TSPAN18: variants seen among roughly 807,000 people sequenced by gnomAD.
TSPAN18 encodes the protein tetraspanin-18.
In TSPAN18, 14 loss-of-function variants were observed where a neutral mutation model predicts 27.3. The ratio of observed to expected loss-of-function variants is 0.51; its 90% CI spans 0.34 to 0.80. TSPAN18 has a LOEUF of 0.80. Among genes scored for constraint, TSPAN18 ranks in the 30% least tolerant of loss-of-function variants. TSPAN18 has a pLI of 0.01. For missense variants in TSPAN18, 268 were observed against 323.9 expected (o/e 0.83, Z 1.32); for synonymous variants, 143 against 136.5 (o/e 1.05, Z -0.33).
chr11:44,855,743 C>G (rs35378762), intron 2 of TSPAN18, among the ~76,000 whole-genome samples: 73,607 of 148,382 alleles, frequency 0.5, 18,952 homozygotes, highest in East Asian at 0.81. Flanking sequence ...AGTATCCCCC[C>G]ACACCACCCA....
intron 2 of TSPAN18, among the ~76,000 whole-genome samples, chr11:44,779,501 G>C (rs1339866371): frequency 6.6e-6 from 1 of 152,172 alleles, no homozygotes; most frequent in African/African-American, 2.4e-5. Context: ...GGGAGCCTTT[G>C]AGATTAGAGT....
intron 3 of TSPAN18, among the ~76,000 whole-genome samples, chr11:44,892,803 C>T (rs1300250071): frequency 6.6e-6 from 1 of 152,256 alleles, no homozygotes; most frequent in Non-Finnish European, 1.5e-5. Context: ...CTCCAACCTA[C>T]TGTGTGACTT....
At chr11:44,778,581 T>C (rs116379519) in intron 2 of TSPAN18, among the ~76,000 whole-genome samples, 1,981 of 152,296 alleles carry the variant, frequency 0.013, 53 homozygotes, top group African/African-American at 0.045. Context: ...TCTCAGTTTC[T>C]CTACCTGTAA....
intron 3 of TSPAN18, among the ~76,000 whole-genome samples, chr11:44,870,889 C>T (rs538357522): frequency 6.6e-6 from 1 of 151,982 alleles, no homozygotes; most frequent in African/African-American, 2.4e-5. Flanking sequence ...ATGACTTCTA[C>T]TCATCGTTTC....
At chr11:44,787,776 G>C (rs1433125420) in intron 2 of TSPAN18, among the ~76,000 whole-genome samples, 3 of 152,344 alleles carry the variant, frequency 2.0e-5, no homozygotes, top group South Asian at 2.1e-4. Flanking sequence ...CAGCTGCCAG[G>C]TGATGCTTTT....
At chr11:44,741,784 T>G (rs1278834236) in intron 1 of TSPAN18, among the ~76,000 whole-genome samples, 2 of 152,144 alleles carry the variant, frequency 1.3e-5, no homozygotes, top group Non-Finnish European at 2.9e-5. Context: ...GAACGTTAGT[T>G]TCCTCATCTA....
intron 3 of TSPAN18, among the ~76,000 whole-genome samples, chr11:44,870,017 G>C (rs980759836): frequency 2.6e-5 from 4 of 152,136 alleles, no homozygotes; most frequent in African/African-American, 9.7e-5. Context: ...AAGGGCATGG[G>C]CCTTGCCCCC....
chr11:44,760,113 A>C (rs1565136867), intron 1 of TSPAN18, among the ~76,000 whole-genome samples: 1 of 152,192 alleles, frequency 6.6e-6, no homozygotes, highest in Non-Finnish European at 1.5e-5. Context: ...TATGGCAAAG[A>C]CTTAAAGGTG....
chr11:44,844,639 A>G (rs955892115), intron 2 of TSPAN18, among the ~76,000 whole-genome samples: 1 of 152,206 alleles, frequency 6.6e-6, no homozygotes, highest in East Asian at 1.9e-4. Flanking sequence ...CTTCTTTTGG[A>G]AAGTGCCTAA....
intron 3 of TSPAN18, among the ~76,000 whole-genome samples, chr11:44,879,037 G>A (rs985470486): frequency 1.3e-5 from 2 of 152,188 alleles, no homozygotes; most frequent in African/African-American, 4.8e-5. Flanking sequence ...GAACTTCAAA[G>A]GGCCCCACAG....
rs114637189 is a variant in TSPAN18 at position 44,846,893 on chromosome 11, C to A, written c.-152-13435C>A. 7.1e-3 allele frequency among the ~76,000 whole-genome samples: 1,077 copies of A among 152,280 alleles called. 16 individuals carry two copies. Among genetic ancestry groups the A allele is most frequent in the African/African-American group, 0.024 (1,012 of 41,534 alleles). ...ATGAACCCAGCCTATTAAAAACCATCATCTATTGAATGCCTACTATATGCC... is the reference window on the plus strand; with the variant it reads ...ATGAACCCAGCCTATTAAAAACCATAATCTATTGAATGCCTACTATATGCC... On this transcript the variant is annotated intron_variant, in intron 2 of 9. Transcript: ENST00000520358.
intron 3 of TSPAN18, among the ~76,000 whole-genome samples, chr11:44,864,636 C>A (rs1857986819): frequency 6.6e-6 from 1 of 152,334 alleles, no homozygotes; most frequent in Non-Finnish European, 1.5e-5. Flanking sequence ...ATGGACTGGT[C>A]CAGTGTTGCA....
chr11:44,789,335 A>T (rs538091269), intron 2 of TSPAN18, among the ~76,000 whole-genome samples: 64 of 152,330 alleles, frequency 4.2e-4, no homozygotes, highest in African/African-American at 1.5e-3. Flanking sequence ...AGATTAAATT[A>T]TCCAATTTGG....
chr11:44,900,941 C>T (rs766254765), intron 3 of TSPAN18, among the ~76,000 whole-genome samples: 2 of 151,960 alleles, frequency 1.3e-5, no homozygotes, highest in Non-Finnish European at 2.9e-5. Flanking sequence ...GTGATCTGCC[C>T]GCCTCAGCCT....
chr11:44,751,244 G>A (rs1471579532), intron 1 of TSPAN18, among the ~76,000 whole-genome samples: 2 of 152,176 alleles, frequency 1.3e-5, no homozygotes, highest in South Asian at 2.1e-4. Context: ...TGCACACTTT[G>A]TGTTCTGGGA....
At chr11:44,870,120 G>A (rs1858152868) in intron 3 of TSPAN18, among the ~76,000 whole-genome samples, 1 of 152,058 alleles carries the variant, frequency 6.6e-6, no homozygotes. Flanking sequence ...CCTAACATTT[G>A]CCTGTTTTAA....
intron 1 of TSPAN18, among the ~76,000 whole-genome samples, chr11:44,746,880 C>G (rs77677930): frequency 6.6e-6 from 1 of 152,198 alleles, no homozygotes; most frequent in Non-Finnish European, 1.5e-5. Flanking sequence ...CTGGTGCTAC[C>G]CCTTGTGCCT....
Position 44,931,554 on chromosome 11 carries a change from A to C in TSPAN18, c.*2376A>C, listed in dbSNP as rs1860563638. 1 of 152,380 alleles carries C rather than the reference A, an allele frequency of 6.6e-6. No individual in the cohort carries two copies. The highest frequency in any genetic ancestry group is 2.1e-4 in the South Asian group (1 of 4,832). The allele number at this position is 152,380 out of a possible 1,614,324, so 9.4% of individuals were successfully genotyped here. On this transcript the variant is annotated 3_prime_UTR_variant, in exon 10 of 10. Coordinates refer to ENST00000520358, the MANE Select transcript of TSPAN18 (RefSeq NM_130783.5). ...TCTACAAATGTGCCAAGGAACCCTC[A>C]ATCAGCCCTGATTCAGCTCGCCAGC...
At chr11:44,886,685 T>A (rs2121274) in intron 3 of TSPAN18, 20,644 of 152,182 alleles carry the variant, frequency 0.14, 1,658 homozygotes, top group Middle Eastern at 0.19. Flanking sequence ...AATAAGGTTG[T>A]GGGGGTTGCC....
Sources: allele counts gnomAD v4.1 joint callset (sites outside exome capture counted in the v4.1 genomes callset), GRCh38; gene constraint gnomAD v4.1.1; transcripts MANE v1.5; gene names NCBI Gene and HGNC (gene_info 2026-07-23, HGNC 2026-07-21).